Variants in DNAJC3 observed in about 807,000 individuals in gnomAD.
DNAJC3 encodes DnaJ heat shock protein family (Hsp40) member C3, also known as dnaJ homolog subfamily C member 3.
In DNAJC3, 38 loss-of-function variants were observed where a neutral mutation model predicts 68.6. The observed-to-expected ratio is 0.55, with a 90% CI of 0.43 to 0.73. The LOEUF (loss-of-function observed/expected upper bound fraction) is 0.73. Among genes scored for constraint, DNAJC3 ranks in the 30% least tolerant of loss-of-function variants. DNAJC3 has a pLI of 0.00. For missense variants in DNAJC3, 526 were observed against 591.9 expected, an observed-to-expected ratio of 0.89 and a Z score of 1.16; for synonymous variants, 203 against 204.0, an observed-to-expected ratio of 1.00 and a Z score of 0.04.
At chr13:95,738,382 G>A (rs1285076696) in intron 4 of DNAJC3, among the ~76,000 whole-genome samples, 1 of 148,400 alleles carries the variant, frequency 6.7e-6, no homozygotes, top group Non-Finnish European at 1.5e-5. Context: ...TATCCTTGTT[G>A]ACTTTCTGTC....
intron 2 of DNAJC3, among the ~76,000 whole-genome samples, chr13:95,719,419 G>A (rs113199418): frequency 0.017 from 2,589 of 151,962 alleles, 79 homozygotes; most frequent in African/African-American, 0.06. Flanking sequence ...GTATTATATC[G>A]TTGGCTATTG....
At chr13:95,766,843 G>A (rs559540945) in intron 9 of DNAJC3, among the ~76,000 whole-genome samples, 2 of 152,110 alleles carry the variant, frequency 1.3e-5, no homozygotes, top group Non-Finnish European at 1.5e-5. Context: ...TGGGATTACA[G>A]GAACTGTGCC....
intron 4 of DNAJC3, among the ~76,000 whole-genome samples, chr13:95,726,050 A>C (rs975809948): frequency 3.0e-3 from 460 of 152,018 alleles, no homozygotes; most frequent in Non-Finnish European, 4.0e-3. Context: ...TATATGTGCC[A>C]CATTTTCTTA....
chr13:95,715,135 C>G (rs1472652162), intron 2 of DNAJC3, among the ~76,000 whole-genome samples: 1 of 152,228 alleles, frequency 6.6e-6, no homozygotes, highest in Non-Finnish European at 1.5e-5. Flanking sequence ...AACTGTAATT[C>G]TAGCACTTTG....
At chr13:95,753,076 G>A (rs559489101) in intron 4 of DNAJC3, among the ~76,000 whole-genome samples, 9 of 152,064 alleles carry the variant, frequency 5.9e-5, no homozygotes, top group Admixed American at 2.6e-4. Flanking sequence ...TTTTCCATTC[G>A]TCCATCCTCC....
At chr13:95,768,638 T>C (rs1440328042) in intron 9 of DNAJC3, among the ~76,000 whole-genome samples, 1 of 152,152 alleles carries the variant, frequency 6.6e-6, no homozygotes, top group African/African-American at 2.4e-5. Context: ...CACCCTGTTA[T>C]ACTACCTAGG....
In DNAJC3 at chr13:95,712,638, C is replaced by G. The variant is rs370359458; in HGVS notation, c.193+3301C>G. ...AGTCATCCACCCGCCTCCCAAAGAG[C>G]TGGGATTACAGACATGAGCCACCGT... On this transcript the variant is annotated intron_variant, in intron 2 of 11. Transcript: ENST00000602402. Among the ~76,000 whole-genome samples the G allele has an allele frequency of 5.3e-5, 8 of 152,206 alleles. No individual in the cohort carries two copies. In the East Asian group the frequency reaches 1.5e-3, roughly 29 times the overall value.
intron 4 of DNAJC3, among the ~76,000 whole-genome samples, chr13:95,748,807 C>G (rs989715439): frequency 2.6e-5 from 4 of 152,164 alleles, no homozygotes; most frequent in African/African-American, 7.2e-5. Context: ...CAGAGCCAGA[C>G]TCCGTCTCAA....
At chr13:95,780,818 T>G in intron 9 of DNAJC3, among the ~76,000 whole-genome samples, 1 of 152,190 alleles carries the variant, frequency 6.6e-6, no homozygotes, top group Admixed American at 6.5e-5. Flanking sequence ...GGAAACTGTT[T>G]TAATGATTCA....
intron 1 of DNAJC3, among the ~76,000 whole-genome samples, chr13:95,701,155 G>A (rs148332159): frequency 5.9e-4 from 90 of 152,292 alleles, no homozygotes; most frequent in Non-Finnish European, 1.2e-3. Context: ...GGAACTTTCC[G>A]CGATGATGGG....
In DNAJC3 at chr13:95,794,449, T is replaced by A. The variant is rs960387189; in HGVS notation, c.*3419T>A. On this transcript the variant is annotated 3_prime_UTR_variant, in exon 12 of 12. Coordinates refer to ENST00000602402, the MANE Select transcript of DNAJC3 (RefSeq NM_006260.5). Reference sequence around the variant, plus strand: ...TCACCTAGAGAAGTTCACGCAACTTTGTTGAATGTAGTTGACTTTTCCAAA... The same window carrying A: ...TCACCTAGAGAAGTTCACGCAACTTAGTTGAATGTAGTTGACTTTTCCAAA... The A allele has an allele frequency of 6.6e-6, 1 of 152,254 alleles. No homozygotes were observed. The highest frequency in any genetic ancestry group is 2.4e-5 in the African/African-American group (1 of 41,468). The allele number at this position is 152,254 out of a possible 1,614,324, so 9.4% of individuals were successfully genotyped here.
intron 1 of DNAJC3, among the ~76,000 whole-genome samples, chr13:95,704,883 G>A (rs1160398344): frequency 3.4e-4 from 31 of 91,814 alleles, no homozygotes; most frequent in East Asian, 5.7e-4. Flanking sequence ...ACAGAGTCTC[G>A]CAGTGTCGCC....
At chr13:95,687,608 C>T (rs963784079) in intron 1 of DNAJC3, among the ~76,000 whole-genome samples, 6 of 152,016 alleles carry the variant, frequency 3.9e-5, no homozygotes, top group Non-Finnish European at 5.9e-5. Context: ...AATATAATAT[C>T]GTTAAAAAGA....
chr13:95,696,366 C>T (rs189386158), intron 1 of DNAJC3, among the ~76,000 whole-genome samples: 50 of 152,244 alleles, frequency 3.3e-4, no homozygotes, highest in Non-Finnish European at 8.8e-5. Flanking sequence ...GAAACTGTAC[C>T]TGGCATCTGG....
intron 1 of DNAJC3, among the ~76,000 whole-genome samples, chr13:95,692,323 CAT>C (rs1735178753): frequency 6.6e-6 from 1 of 152,088 alleles, no homozygotes; most frequent in African/African-American, 2.4e-5. Flanking sequence ...TCTGGAGTTT[CAT>C]TGTTCACTTT....
intron 4 of DNAJC3, among the ~76,000 whole-genome samples, chr13:95,744,188 A>AT (rs201316296): frequency 0.017 from 2,600 of 152,204 alleles, 82 homozygotes; most frequent in African/African-American, 0.06. Context: ...TGTTTTTTAC[A>AT]TTTTTTTAAA....
chr13:95,685,359 C>T (rs552433462), intron 1 of DNAJC3, among the ~76,000 whole-genome samples: 23 of 152,326 alleles, frequency 1.5e-4, no homozygotes, highest in Non-Finnish European at 2.4e-4. Context: ...TTCTTTTGGC[C>T]GGTTTTACCC....
At chr13:95,702,759 TAGC>T (rs1880618609) in intron 1 of DNAJC3, among the ~76,000 whole-genome samples, 1 of 152,210 alleles carries the variant, frequency 6.6e-6, no homozygotes, top group African/African-American at 2.4e-5. Context: ...ATTTTTGTTA[TAGC>T]AGCCTGAATA....
chr13:95,784,101 C>G (rs1883527705), intron 9 of DNAJC3, among the ~76,000 whole-genome samples: 1 of 152,214 alleles, frequency 6.6e-6, no homozygotes, highest in Non-Finnish European at 1.5e-5. Flanking sequence ...AGGTGCCTTA[C>G]ATTCCCTCCA....
Sources: allele counts gnomAD v4.1 joint callset (sites outside exome capture counted in the v4.1 genomes callset), GRCh38; gene constraint gnomAD v4.1.1; transcripts MANE v1.5; gene names NCBI Gene and HGNC (gene_info 2026-07-23, HGNC 2026-07-21).